The following GPR158 variants were observed in gnomAD, a reference collection of about 807,000 sequenced individuals.
GPR158 encodes the protein G protein-coupled receptor 158.
A neutral mutation model predicts 78.2 loss-of-function variants in GPR158; 30 were observed. The observed-to-expected ratio is 0.38, with a 90% confidence interval of 0.29 to 0.52. The LOEUF is 0.52. Ranked by LOEUF, GPR158 falls within the 20% of genes least tolerant of loss-of-function variation. GPR158 has a pLI of 0.83. For synonymous variants in GPR158, 581 were observed against 591.1 expected, an observed-to-expected ratio of 0.98 and a Z score of 0.25; for missense variants, 1,463 against 1,523.5, an observed-to-expected ratio of 0.96 and a Z score of 0.66.
chr10:25,413,961 C>A (rs1292734755), intron 4 of GPR158, among the ~76,000 whole-genome samples: 1 of 152,116 alleles, frequency 6.6e-6, no homozygotes, highest in African/African-American at 2.4e-5. Context: ...AAATATATAA[C>A]CACTGTTACC....
chr10:25,240,264 T>C (rs1158624901), intron 2 of GPR158, among the ~76,000 whole-genome samples: 1 of 152,168 alleles, frequency 6.6e-6, no homozygotes, highest in East Asian at 1.9e-4. Flanking sequence ...ATCACAGCAC[T>C]TTGGGAGGCT....
chr10:25,383,599 T>C (rs1233013127), intron 2 of GPR158, among the ~76,000 whole-genome samples: 2 of 152,202 alleles, frequency 1.3e-5, no homozygotes, highest in Admixed American at 1.3e-4. Flanking sequence ...AGGGAGAGAT[T>C]CATTTGTAAA....
At chr10:25,345,488 A>G (rs1287499567) in intron 2 of GPR158, among the ~76,000 whole-genome samples, 1 of 152,022 alleles carries the variant, frequency 6.6e-6, no homozygotes, top group South Asian at 2.1e-4. Flanking sequence ...ATAAATTTAA[A>G]CATAATCCAG....
At chr10:25,431,550 A>G (rs1834905807) in intron 4 of GPR158, among the ~76,000 whole-genome samples, 1 of 139,660 alleles carries the variant, frequency 7.2e-6, no homozygotes, top group Non-Finnish European at 1.6e-5. Flanking sequence ...CTATAAAGAC[A>G]CATGCACACG....
At chr10:25,570,958 A>T (rs1836998318) in intron 6 of GPR158, among the ~76,000 whole-genome samples, 1 of 152,142 alleles carries the variant, frequency 6.6e-6, no homozygotes, top group Non-Finnish European at 1.5e-5. Context: ...TTGTTTCATA[A>T]TCATGTATAA....
chr10:25,534,795 A>G (rs993725919), intron 5 of GPR158, among the ~76,000 whole-genome samples: 4 of 152,116 alleles, frequency 2.6e-5, no homozygotes, highest in African/African-American at 9.7e-5. Flanking sequence ...AGATAGACAG[A>G]CAGACAGGGA....
At chr10:25,455,187 AG>A (rs1374759864) in intron 4 of GPR158, among the ~76,000 whole-genome samples, 4 of 152,302 alleles carry the variant, frequency 2.6e-5, no homozygotes, top group African/African-American at 9.6e-5. Flanking sequence ...GCCTCTGTAT[AG>A]GTCATTCAGG....
chr10:25,444,435 G>T (rs1376023992), intron 4 of GPR158, among the ~76,000 whole-genome samples: 1 of 151,540 alleles, frequency 6.6e-6, no homozygotes, highest in Non-Finnish European at 1.5e-5. Context: ...GTGTGTGTAT[G>T]TGGTGTTTGA....
chr10:25,308,679 C>G (rs1171573215), intron 2 of GPR158, among the ~76,000 whole-genome samples: 3 of 152,176 alleles, frequency 2.0e-5, no homozygotes, highest in Admixed American at 6.5e-5. Context: ...TCTTGCGTAA[C>G]TGAAACTCTG....
intron 5 of GPR158, among the ~76,000 whole-genome samples, chr10:25,526,234 C>T (rs1836346131): frequency 6.8e-6 from 1 of 147,992 alleles, no homozygotes; most frequent in Non-Finnish European, 1.5e-5. Context: ...TTTGAAAAAA[C>T]TGAAAAACTA....
At chr10:25,413,447 A>G (rs1834619605) in intron 4 of GPR158, among the ~76,000 whole-genome samples, 1 of 152,222 alleles carries the variant, frequency 6.6e-6, no homozygotes, top group South Asian at 2.1e-4. Context: ...TGGCCACCCA[A>G]TTAGTTATAT....
At chr10:25,235,758 A>G (rs1185540031) in intron 2 of GPR158, among the ~76,000 whole-genome samples, 1 of 145,200 alleles carries the variant, frequency 6.9e-6, no homozygotes, top group Non-Finnish European at 1.5e-5. Context: ...GTGCAGTGGC[A>G]AGATCTCAGT....
At chr10:25,545,860 G>C (rs1035532294) in intron 5 of GPR158, among the ~76,000 whole-genome samples, 2 of 152,054 alleles carry the variant, frequency 1.3e-5, no homozygotes, top group African/African-American at 4.8e-5. Flanking sequence ...GGGAATGGAC[G>C]TGCAATCAAG....
intron 5 of GPR158, among the ~76,000 whole-genome samples, chr10:25,486,971 T>C (rs1392173420): frequency 1.3e-5 from 2 of 152,196 alleles, no homozygotes; most frequent in East Asian, 3.9e-4. Context: ...GGAGAATTCA[T>C]ATAGCAAATA....
chr10:25,401,342 T>G (rs758425560), intron 3 of GPR158, among the ~76,000 whole-genome samples: 33 of 152,202 alleles, frequency 2.2e-4, no homozygotes, highest in African/African-American at 7.0e-4. Flanking sequence ...TTACTCTAGT[T>G]GTAGAAGAAA....
rs186447351 is a variant in GPR158 at position 25,424,131 on chromosome 10, G to A, written c.1335+11658G>A. On this transcript the variant is annotated intron_variant, in intron 4 of 10. Coordinates refer to ENST00000376351, the MANE Select transcript of GPR158 (RefSeq NM_020752.3). ...TTTGATTTGCATTTCTCTGATGGCC[G>A]GTGATGATGAGCATTTTTTCATGTG... Among the ~76,000 whole-genome samples the A allele has an allele frequency of 4.7e-4, 71 of 152,198 alleles. 2 individuals carry two copies. Among genetic ancestry groups the A allele is most frequent in the South Asian group, 1.2e-3 (6 of 4,824 alleles).
intron 5 of GPR158, among the ~76,000 whole-genome samples, chr10:25,473,566 C>G (rs1835539998): frequency 6.6e-6 from 1 of 152,104 alleles, no homozygotes; most frequent in Admixed American, 6.6e-5. Context: ...TAGAATTCGG[C>G]TGTGAATCCA....
chr10:25,411,247 A>G (rs1834580646), intron 3 of GPR158, among the ~76,000 whole-genome samples: 2 of 152,190 alleles, frequency 1.3e-5, no homozygotes, highest in African/African-American at 4.8e-5. Flanking sequence ...TAAAAGGAGG[A>G]TCGATAGCAG....
intron 2 of GPR158, among the ~76,000 whole-genome samples, chr10:25,317,179 G>T (rs1564420376): frequency 6.6e-6 from 1 of 151,546 alleles, no homozygotes; most frequent in African/African-American, 2.4e-5. Context: ...TGAGTAATTG[G>T]GATTACAGGC....
Sources: allele counts gnomAD v4.1 joint callset (sites outside exome capture counted in the v4.1 genomes callset), GRCh38; gene constraint gnomAD v4.1.1; transcripts MANE v1.5; gene names NCBI Gene and HGNC (gene_info 2026-07-23, HGNC 2026-07-21).